Variants in ARHGEF7 observed in about 807,000 individuals in gnomAD.
ARHGEF7 encodes the protein PAK-interacting exchange factor beta.
ARHGEF7 carries 33 observed loss-of-function variants against 109.8 expected under a neutral mutation model. The ratio of observed to expected loss-of-function variants is 0.30; its 90% confidence interval spans 0.23 to 0.40. The LOEUF is 0.40. Among genes scored for constraint, ARHGEF7 ranks in the 10% least tolerant of loss-of-function variants. The pLI is 1.00. For synonymous variants in ARHGEF7, 458 were observed against 424.6 expected (o/e 1.08, Z -0.97); for missense variants, 938 against 1,098.5 (o/e 0.85, Z 2.07).
At chr13:111,288,268 G>T in intron 17 of ARHGEF7, 86 bp from the exon 18 acceptor site, 2 of 696,708 alleles carry the variant, frequency 2.9e-6, no homozygotes, top group South Asian at 2.8e-5. Context: ...CACTTTGGTC[G>T]AGTTGATGTC....
intron 5 of ARHGEF7, among the ~76,000 whole-genome samples, chr13:111,222,934 A>G (rs1480560474): frequency 2.6e-5 from 4 of 152,264 alleles, no homozygotes; most frequent in Non-Finnish European, 5.9e-5. Flanking sequence ...ATACAGTAAG[A>G]TATCTTGAGA....
chr13:111,206,077 G>A (rs1241812400), intron 3 of ARHGEF7, among the ~76,000 whole-genome samples: 1 of 152,094 alleles, frequency 6.6e-6, no homozygotes, highest in Non-Finnish European at 1.5e-5. Flanking sequence ...CTTTTTAGTT[G>A]CTTTTTTGGT....
intron 19 of ARHGEF7, among the ~76,000 whole-genome samples, chr13:111,298,424 A>G (rs898127595): frequency 2.6e-5 from 4 of 152,024 alleles, no homozygotes; most frequent in African/African-American, 9.7e-5. Context: ...TCTCAGCAGC[A>G]TTACCCGTTA....
At chr13:111,197,023 A>G (rs1009863481) in intron 2 of ARHGEF7, among the ~76,000 whole-genome samples, 1 of 152,198 alleles carries the variant, frequency 6.6e-6, no homozygotes, top group African/African-American at 2.4e-5. Context: ...ATGCATTTCA[A>G]GGGTGAGCAT....
At chr13:111,181,853 G>C (rs1038248392) in intron 2 of ARHGEF7, among the ~76,000 whole-genome samples, 1 of 152,224 alleles carries the variant, frequency 6.6e-6, no homozygotes, top group Non-Finnish European at 1.5e-5. Context: ...CCTTTGAAAG[G>C]GCAGAGGGGC....
intron 2 of ARHGEF7, among the ~76,000 whole-genome samples, chr13:111,197,989 C>A (rs140414842): frequency 6.6e-6 from 1 of 152,012 alleles, no homozygotes; most frequent in Non-Finnish European, 1.5e-5. Context: ...TTGAGAGTTC[C>A]GCTCATGGCC....
chr13:111,274,873 A>G lies in ARHGEF7; in HGVS notation c.1272+83A>G, dbSNP rs1349006567. 5.0e-6 allele frequency: 5 copies of G among 995,622 alleles called. No individual in the cohort carries two copies. In the African/African-American group the frequency reaches 6.7e-5, roughly 13 times the overall value. 61.7% of individuals were successfully genotyped at this position (995,622 alleles called of 1,614,324 possible). A position where few individuals can be genotyped will look rare whatever the true frequency, so the allele number is the denominator to read the frequency against. On this transcript the variant is annotated intron_variant, in intron 11 of 21. Transcript: ENST00000646102. Reference sequence around the variant, plus strand: ...AAAGAATTATCAACTGAAAAAGTCAAATGATTAAAAAATGACTTGTGCTGA... The same window carrying G: ...AAAGAATTATCAACTGAAAAAGTCAGATGATTAAAAAATGACTTGTGCTGA...
At chr13:111,215,565 G>A (rs193044113) in intron 4 of ARHGEF7, among the ~76,000 whole-genome samples, 58 of 152,214 alleles carry the variant, frequency 3.8e-4, no homozygotes, top group South Asian at 2.1e-4. Flanking sequence ...AATAATATTT[G>A]GAGCAGAGCC....
intron 2 of ARHGEF7, among the ~76,000 whole-genome samples, chr13:111,202,133 A>G (rs543059927): frequency 6.6e-6 from 1 of 152,348 alleles, no homozygotes; most frequent in African/African-American, 2.4e-5. Flanking sequence ...GCTTTTTCAA[A>G]TGGATAGATC....
At chr13:111,290,451 C>CA (rs1408155644) in intron 18 of ARHGEF7, among the ~76,000 whole-genome samples, 1 of 152,118 alleles carries the variant, frequency 6.6e-6, no homozygotes, top group Non-Finnish European at 1.5e-5. Context: ...ATGCAAACAC[C>CA]ATGCCATCTT....
chr13:111,263,869 G>A (rs1429328100), intron 8 of ARHGEF7, among the ~76,000 whole-genome samples: 1 of 152,172 alleles, frequency 6.6e-6, no homozygotes, highest in African/African-American at 2.4e-5. Context: ...CTACATAATT[G>A]TCTTCAGTTT....
At chr13:111,159,626 A>G (rs78971944) in intron 2 of ARHGEF7, among the ~76,000 whole-genome samples, 16,021 of 152,258 alleles carry the variant, frequency 0.11, 1,034 homozygotes, top group Middle Eastern at 0.14. Flanking sequence ...TTCTCTGATC[A>G]TTAGTGATGT....
At chr13:111,202,961 G>A in intron 2 of ARHGEF7, 1 of 610,880 alleles carries the variant, frequency 1.6e-6, no homozygotes. Context: ...AAACTCTGAT[G>A]TCATATTGAA....
At chr13:111,277,824 TTG>T (rs1375177137) in intron 13 of ARHGEF7, 151 bp downstream of exon 13, 18 of 567,862 alleles carry the variant, frequency 3.2e-5, no homozygotes, top group Non-Finnish European at 4.6e-5. Flanking sequence ...CAGCTCCTGT[TTG>T]TGTTTCGTTG....
At chr13:111,152,511 TAGAA>T (rs2075944365) in intron 1 of ARHGEF7, among the ~76,000 whole-genome samples, 1 of 152,240 alleles carries the variant, frequency 6.6e-6, no homozygotes, top group African/African-American at 2.4e-5. Context: ...TTTTCAACTA[TAGAA>T]AGAAAAAAGC....
intron 2 of ARHGEF7, among the ~76,000 whole-genome samples, chr13:111,192,756 T>C (rs2080046835): frequency 6.6e-6 from 1 of 152,214 alleles, no homozygotes; most frequent in Admixed American, 6.5e-5. Context: ...AGCTGGACCA[T>C]TGTCGCTCTG....
intron 19 of ARHGEF7, among the ~76,000 whole-genome samples, chr13:111,300,546 G>A (rs1174096989): frequency 6.6e-6 from 1 of 152,188 alleles, no homozygotes; most frequent in Non-Finnish European, 1.5e-5. Context: ...TCTGGCTTTG[G>A]TCATGAGGAG....
chr13:111,137,687 A>C (rs561689776), intron 1 of ARHGEF7, among the ~76,000 whole-genome samples: 1 of 152,334 alleles, frequency 6.6e-6, no homozygotes, highest in South Asian at 2.1e-4. Context: ...ATTTTTTAAA[A>C]TAAAAAAGAA....
intron 2 of ARHGEF7, among the ~76,000 whole-genome samples, chr13:111,175,617 C>G (rs909153671): frequency 6.6e-6 from 1 of 152,164 alleles, no homozygotes; most frequent in African/African-American, 2.4e-5. Context: ...GCTGGCTCCT[C>G]ACTGGGCGTC....
Sources: allele counts gnomAD v4.1 joint callset (sites outside exome capture counted in the v4.1 genomes callset), GRCh38; gene constraint gnomAD v4.1.1; transcripts MANE v1.5; gene names NCBI Gene and HGNC (gene_info 2026-07-23, HGNC 2026-07-21).